FYB1: variants seen among roughly 807,000 people sequenced by gnomAD.
FYB1 encodes the protein FYN-binding protein 1.
FYB1 carries 41 observed loss-of-function variants against 94.1 expected under a neutral mutation model. The ratio of observed to expected loss-of-function variants is 0.44; its 90% CI spans 0.34 to 0.57. FYB1 has a LOEUF of 0.57. Among genes scored for constraint, FYB1 ranks in the 20% least tolerant of loss-of-function variants. The pLI is 0.02. For missense variants in FYB1, 1,050 were observed against 976.8 expected, an observed-to-expected ratio of 1.07 and a Z score of -1.00; for synonymous variants, 367 against 353.2, an observed-to-expected ratio of 1.04 and a Z score of -0.44.
At chr5:39,136,712 C>T (rs532566765) in intron 7 of FYB1, among the ~76,000 whole-genome samples, 19 of 152,252 alleles carry the variant, frequency 1.2e-4, no homozygotes, top group Middle Eastern at 3.4e-3. Context: ...TGACTTGATG[C>T]TATACATTTT....
intron 2 of FYB1, among the ~76,000 whole-genome samples, chr5:39,165,129 C>A (rs1744601804): frequency 6.6e-6 from 1 of 152,072 alleles, no homozygotes; most frequent in African/African-American, 2.4e-5. Context: ...CCATTGCTTA[C>A]AAAAAATAAT....
intron 2 of FYB1, among the ~76,000 whole-genome samples, chr5:39,163,779 G>T (rs879174177): frequency 6.6e-6 from 1 of 152,218 alleles, no homozygotes; most frequent in Admixed American, 6.5e-5. Flanking sequence ...TTCTTTGTCA[G>T]ATGCTCATAG....
chr5:39,219,083 G>T (rs896441539), intron 1 of FYB1, among the ~76,000 whole-genome samples: 4 of 152,182 alleles, frequency 2.6e-5, no homozygotes, highest in African/African-American at 9.7e-5. Context: ...TAAACCATCT[G>T]TGCCCAGCTC....
chr5:39,250,740 T>C (rs1439421425), intron 1 of FYB1: 1 of 152,162 alleles, frequency 6.6e-6, no homozygotes, highest in Non-Finnish European at 1.5e-5. Flanking sequence ...TTATCACCTC[T>C]GGGGTGATCT....
intron 2 of FYB1, among the ~76,000 whole-genome samples, chr5:39,167,250 G>A (rs1744821145): frequency 6.6e-6 from 1 of 150,922 alleles, no homozygotes; most frequent in African/African-American, 2.4e-5. Flanking sequence ...TGTGATCTTG[G>A]GTAGTTCTCT....
At chr5:39,248,486 T>C (rs539340449) in intron 1 of FYB1, among the ~76,000 whole-genome samples, 1 of 152,174 alleles carries the variant, frequency 6.6e-6, no homozygotes, top group Non-Finnish European at 1.5e-5. Flanking sequence ...TTATGACATA[T>C]GCTATAACAT....
At chr5:39,274,068 G>A (rs1047565476) in intron 1 of FYB1, among the ~76,000 whole-genome samples, 2 of 152,024 alleles carry the variant, frequency 1.3e-5, no homozygotes, top group African/African-American at 4.8e-5. Flanking sequence ...GAGATTACAG[G>A]CATGTGCCAC....
intron 1 of FYB1, among the ~76,000 whole-genome samples, chr5:39,242,485 C>G (rs868661660): frequency 3.9e-5 from 6 of 152,120 alleles, no homozygotes; most frequent in African/African-American, 1.4e-4. Context: ...TTTTTTATGG[C>G]TGCATAGTAT....
chr5:39,159,513 T>G (rs1436063194), intron 2 of FYB1, among the ~76,000 whole-genome samples: 1 of 152,186 alleles, frequency 6.6e-6, no homozygotes, highest in East Asian at 1.9e-4. Context: ...TTACCACATT[T>G]ACCATAAAGG....
At chr5:39,114,631 T>C (rs1739362553) in intron 16 of FYB1, among the ~76,000 whole-genome samples, 1 of 152,202 alleles carries the variant, frequency 6.6e-6, no homozygotes, top group South Asian at 2.1e-4. Context: ...TTAGAGGCTC[T>C]GCAATGGCAT....
At chr5:39,107,600 A>C (rs759487780) in intron 18 of FYB1, 135 bp from the exon 19 acceptor site, 142 of 455,708 alleles carry the variant, frequency 3.1e-4, no homozygotes, top group South Asian at 5.7e-4. Context: ...ACTTTATAAA[A>C]AATGAGTTAA....
chr5:39,267,121 A>C (rs540564855), intron 1 of FYB1, among the ~76,000 whole-genome samples: 1 of 152,278 alleles, frequency 6.6e-6, no homozygotes, highest in East Asian at 1.9e-4. Context: ...AGGAATAACT[A>C]TTTGCAGGAA....
intron 2 of FYB1, among the ~76,000 whole-genome samples, chr5:39,158,708 A>G (rs1743978979): frequency 6.6e-6 from 1 of 152,188 alleles, no homozygotes; most frequent in African/African-American, 2.4e-5. Context: ...TTGACTAAGA[A>G]GGTACCTAAA....
intron 7 of FYB1, among the ~76,000 whole-genome samples, chr5:39,136,742 C>G (rs1030187087): frequency 6.6e-6 from 1 of 152,218 alleles, no homozygotes; most frequent in East Asian, 1.9e-4. Flanking sequence ...ATGCATTGAA[C>G]CTTTGCTTTA....
intron 10 of FYB1, among the ~76,000 whole-genome samples, chr5:39,129,533 G>C (rs1489761869): frequency 2.0e-5 from 3 of 152,036 alleles, no homozygotes; most frequent in African/African-American, 7.2e-5. Context: ...CTTGTTGAAT[G>C]GGAGAAAATA....
At chr5:39,139,723 T>C (rs141356285) in intron 4 of FYB1, 1 of 152,242 alleles carries the variant, frequency 6.6e-6, no homozygotes, top group East Asian at 1.9e-4. Flanking sequence ...TGAAACAGAA[T>C]CCAATATTAA....
At chr5:39,119,149 T>A in intron 15 of FYB1, 113 bp from the exon 16 acceptor site, 1 of 527,334 alleles carries the variant, frequency 1.9e-6, no homozygotes. Flanking sequence ...TTCAGTGTTT[T>A]CGAAATATAA....
chr5:39,110,837 A>C, intron 16 of FYB1: 1 of 337,846 alleles, frequency 3.0e-6, no homozygotes, highest in South Asian at 2.3e-5. Flanking sequence ...CAGAGAGAGA[A>C]CTGTATTCAA....
At chr5:39,149,937 T>C (rs1193694894) in intron 3 of FYB1, among the ~76,000 whole-genome samples, 2 of 152,216 alleles carry the variant, frequency 1.3e-5, no homozygotes, top group Non-Finnish European at 2.9e-5. Flanking sequence ...GTGTGAAATG[T>C]GTTCCTATTT....
Sources: allele counts gnomAD v4.1 joint callset (sites outside exome capture counted in the v4.1 genomes callset), GRCh38; gene constraint gnomAD v4.1.1; transcripts MANE v1.5; gene names NCBI Gene and HGNC (gene_info 2026-07-23, HGNC 2026-07-21).